Variants in NRXN3 observed in about 807,000 individuals in gnomAD.
The protein encoded by NRXN3 is neurexin III.
In NRXN3, 32 loss-of-function variants were observed where a neutral mutation model predicts 137.6. The observed-to-expected ratio is 0.23, with a 90% confidence interval of 0.18 to 0.31. NRXN3 has a LOEUF of 0.31. Ranked by LOEUF, NRXN3 falls within the 10% of genes least tolerant of loss-of-function variation. The pLI is 1.00. For missense variants in NRXN3, 1,574 were observed against 2,062.5 expected (o/e 0.76, Z 4.59); for synonymous variants, 798 against 784.5 (o/e 1.02, Z -0.29).
At chr14:78,523,524 G>T (rs1384965378) in intron 4 of NRXN3, among the ~76,000 whole-genome samples, 1 of 151,708 alleles carries the variant, frequency 6.6e-6, no homozygotes, top group Admixed American at 6.6e-5. Context: ...TGTAGGCCGG[G>T]TGCGGTGGCT....
intron 1 of NRXN3, among the ~76,000 whole-genome samples, chr14:78,185,705 T>C (rs1186999724): frequency 6.6e-6 from 1 of 152,198 alleles, no homozygotes; most frequent in East Asian, 1.9e-4. Context: ...TGAAGTGGTC[T>C]GCAGCTTGAG....
At chr14:79,270,059 C>T (rs1316447173) in intron 15 of NRXN3, among the ~76,000 whole-genome samples, 1 of 152,096 alleles carries the variant, frequency 6.6e-6, no homozygotes, top group Non-Finnish European at 1.5e-5. Flanking sequence ...TAAGTAAATT[C>T]AGAAGTAAAA....
At chr14:79,842,725 A>C (rs2099358702) in intron 20 of NRXN3, among the ~76,000 whole-genome samples, 1 of 152,216 alleles carries the variant, frequency 6.6e-6, no homozygotes, top group Non-Finnish European at 1.5e-5. Flanking sequence ...CATCTCACAT[A>C]GTTATACATT....
At chr14:78,415,698 C>T (rs547999243) in intron 4 of NRXN3, among the ~76,000 whole-genome samples, 2 of 152,186 alleles carry the variant, frequency 1.3e-5, no homozygotes, top group African/African-American at 4.8e-5. Flanking sequence ...CCCTTATCCC[C>T]AGGGTGATGG....
In NRXN3 at chr14:79,607,279, G is replaced by T. The variant is rs116875406; in HGVS notation, c.3445-56499G>T. On this transcript the variant is annotated intron_variant, in intron 16 of 20. Coordinates refer to ENST00000335750, the MANE Select transcript of NRXN3 (RefSeq NM_001330195.2). ...GTATACCAGACACTTGTAAAGAAAT[G>T]ATCTTTTCCAATGAAAACACAGGTG... is the stretch of plus-strand genomic sequence containing the variant. 7.4e-3 allele frequency among the ~76,000 whole-genome samples: 1,123 copies of T among 152,302 alleles called. 41 individuals carry two copies. Among genetic ancestry groups the T allele is most frequent in the Non-Finnish European group, 3.6e-3 (247 of 68,024 alleles).
intron 4 of NRXN3, among the ~76,000 whole-genome samples, chr14:78,484,572 T>C (rs2095532456): frequency 6.6e-6 from 1 of 152,190 alleles, no homozygotes; most frequent in Admixed American, 6.5e-5. Context: ...TTCTCTCCTA[T>C]TACCCACTCT....
intron 6 of NRXN3, among the ~76,000 whole-genome samples, chr14:78,654,185 G>C (rs1421575991): frequency 6.6e-6 from 1 of 152,186 alleles, no homozygotes; most frequent in African/African-American, 2.4e-5. Context: ...CTTGGTATTT[G>C]TTTTTGATAA....
chr14:78,735,423 G>A lies in NRXN3; in HGVS notation c.2044+20284G>A, dbSNP rs2098537115. 2.0e-5 allele frequency among the ~76,000 whole-genome samples: 3 copies of A among 152,286 alleles called. No individual in the cohort carries two copies. The South Asian group carries it at 6.2e-4, about 32-fold the overall frequency. On this transcript the variant is annotated intron_variant, in intron 8 of 20. Transcript: ENST00000335750. Reference sequence around the variant, plus strand: ...GGAAATAACCCCTGGAGTCTGACAGGACAGAGGGTCTTGCTGTCACCAGCT... The same window carrying A: ...GGAAATAACCCCTGGAGTCTGACAGAACAGAGGGTCTTGCTGTCACCAGCT...
chr14:78,205,403 G>T (rs141953021), intron 1 of NRXN3, among the ~76,000 whole-genome samples: 281 of 152,344 alleles, frequency 1.8e-3, no homozygotes, highest in African/African-American at 6.3e-3. Context: ...GGTCTTTTCA[G>T]ATTGGCTGAG....
intron 6 of NRXN3, among the ~76,000 whole-genome samples, chr14:78,688,260 A>G (rs777032316): frequency 6.6e-6 from 1 of 152,190 alleles, no homozygotes; most frequent in Non-Finnish European, 1.5e-5. Context: ...AAGACAGAAC[A>G]TGAGGGCTCT....
At position 78,215,771 on chromosome 14, in the gene NRXN3, T is replaced by TGGG. The variant is rs111862109; in HGVS notation, c.-703-26614_-703-26612dup. Among the ~76,000 whole-genome samples, 444 of 109,564 alleles carry TGGG rather than the reference T, an allele frequency of 4.1e-3. 3 individuals carry two copies. Among genetic ancestry groups the TGGG allele is most frequent in the Middle Eastern group, 8.2e-3 (2 of 244 alleles). The allele number at this position is 109,564 out of a possible 152,430, so 71.9% of individuals were successfully genotyped here. A position where few individuals can be genotyped will look rare whatever the true frequency, so the allele number is the denominator to read the frequency against. ...GGGTTTCGTTTGTGCTGCAGGGGGG[T>TGGG]GGGGGGGGCAGGGGTTAGTTTGTGC... On this transcript the variant is annotated intron_variant, in intron 1 of 20. Transcript: ENST00000335750.
At chr14:79,360,196 G>T (rs1467871629) in intron 15 of NRXN3, among the ~76,000 whole-genome samples, 2 of 152,154 alleles carry the variant, frequency 1.3e-5, no homozygotes, top group Non-Finnish European at 2.9e-5. Flanking sequence ...TTAACTTCCT[G>T]CATCAAAATG....
chr14:79,296,034 G>A (rs1454155634), intron 15 of NRXN3, among the ~76,000 whole-genome samples: 2 of 152,158 alleles, frequency 1.3e-5, no homozygotes, highest in Non-Finnish European at 2.9e-5. Context: ...ACGCCTTGGT[G>A]GAAGAGCTCA....
intron 4 of NRXN3, among the ~76,000 whole-genome samples, chr14:78,468,065 A>C (rs1182303156): frequency 6.6e-6 from 1 of 152,122 alleles, no homozygotes; most frequent in Admixed American, 6.5e-5. Flanking sequence ...CTGCGATTAC[A>C]GGGGCCCGCC....
At chr14:79,081,719 A>G (rs1292329276) in intron 15 of NRXN3, among the ~76,000 whole-genome samples, 1 of 152,152 alleles carries the variant, frequency 6.6e-6, no homozygotes, top group Non-Finnish European at 1.5e-5. Flanking sequence ...AAATGCTCTT[A>G]TAGAGGTATG....
intron 15 of NRXN3, among the ~76,000 whole-genome samples, chr14:78,989,259 C>A (rs2099513625): frequency 6.6e-6 from 1 of 152,130 alleles, no homozygotes; most frequent in South Asian, 2.1e-4. Flanking sequence ...GAGCAGACAC[C>A]AATTACAATG....
rs1220756671 is a variant in NRXN3 at position 78,333,540 on chromosome 14, GCTATAGTAGAAACAAAATA to G, written c.757+35681_757+35699del. On this transcript the variant is annotated intron_variant, in intron 4 of 20. Transcript: ENST00000335750. ...AGATAGATGCTGGTAGGTGATATGT[GCTATAGTAGAAACAAAATA>G]GATCCGAGAAAGGGGGATTTGGAAT... Among the ~76,000 whole-genome samples, 7 of 152,288 alleles carry G rather than the reference GCTATAGTAGAAACAAAATA, an allele frequency of 4.6e-5. No homozygotes were observed. The East Asian group carries it at 9.6e-4, about 21-fold the overall frequency.
intron 19 of NRXN3, among the ~76,000 whole-genome samples, chr14:79,767,727 T>G (rs2099060901): frequency 6.6e-6 from 1 of 152,310 alleles, no homozygotes; most frequent in East Asian, 1.9e-4. Context: ...GTTACACAGC[T>G]GATAGGTGAT....
chr14:78,387,789 A>G (rs1326851167), intron 4 of NRXN3, among the ~76,000 whole-genome samples: 5 of 152,152 alleles, frequency 3.3e-5, no homozygotes, highest in Non-Finnish European at 5.9e-5. Context: ...CTTCTTTCCT[A>G]TGGTGATAAT....
Sources: allele counts gnomAD v4.1 joint callset (sites outside exome capture counted in the v4.1 genomes callset), GRCh38; gene constraint gnomAD v4.1.1; transcripts MANE v1.5; gene names NCBI Gene and HGNC (gene_info 2026-07-23, HGNC 2026-07-21).